The following PAG1 variants were observed in gnomAD, a reference collection of about 807,000 sequenced individuals.
PAG1 encodes phosphoprotein membrane anchor with glycosphingolipid microdomains 1.
A neutral mutation model predicts 31.7 loss-of-function variants in PAG1; 23 were observed. That is an observed-to-expected ratio of 0.73 (90% confidence interval 0.52 to 1.03). The LOEUF (loss-of-function observed/expected upper bound fraction) is 1.03. Ranked by LOEUF, PAG1 falls within the 50% of genes least tolerant of loss-of-function variation. The pLI is 0.00. For missense variants in PAG1, 473 were observed against 540.7 expected (o/e 0.87, Z 1.24); for synonymous variants, 214 against 210.3 (o/e 1.02, Z -0.15).
At chr8:81,089,119 A>G (rs1809405493) in intron 1 of PAG1, among the ~76,000 whole-genome samples, 1 of 152,028 alleles carries the variant, frequency 6.6e-6, no homozygotes, top group Non-Finnish European at 1.5e-5. Flanking sequence ...AAGATACAAA[A>G]CTCCTCGGTC....
intron 1 of PAG1, among the ~76,000 whole-genome samples, chr8:81,104,932 C>T (rs1449109355): frequency 6.6e-6 from 1 of 152,130 alleles, no homozygotes; most frequent in Non-Finnish European, 1.5e-5. Flanking sequence ...CCAGCCTCCG[C>T]TCTCCATCTC....
In PAG1 at chr8:80,984,811, C is replaced by T. The variant is rs138902717; in HGVS notation, c.841G>A (p.Glu281Lys). Residue 281 changes from glutamate (E) to lysine (K), a missense_variant, in exon 7 of 9, where the codon GAG becomes AAG. By Grantham distance (56) the Glu-to-Lys change is moderately conservative. Transcript: ENST00000220597. ...TCACTGGTCGTGTCTGTGGCACTCT[C>T]TTCCGCCTCTCCCCCTTCCTTCTCC... ...LQEKEGGEAE[E>K]SATDTTSETN... 104 of 1,614,032 alleles carry T rather than the reference C, an allele frequency of 6.4e-5. No individual in the cohort carries two copies. Among genetic ancestry groups the T allele is most frequent in the Admixed American group, 2.5e-4 (15 of 60,002 alleles).
At chr8:81,088,151 C>T (rs1586212578) in intron 1 of PAG1, among the ~76,000 whole-genome samples, 1 of 152,072 alleles carries the variant, frequency 6.6e-6, no homozygotes, top group Admixed American at 6.5e-5. Context: ...CAACTCCTTC[C>T]TAAAAGGATT....
At chr8:81,082,397 C>T (rs1203175662) in intron 1 of PAG1, among the ~76,000 whole-genome samples, 8 of 151,944 alleles carry the variant, frequency 5.3e-5, no homozygotes, top group Non-Finnish European at 1.0e-4. Context: ...ACATCATTGG[C>T]GGGGGAGCCA....
intron 2 of PAG1, among the ~76,000 whole-genome samples, chr8:81,064,939 C>T (rs11989546): frequency 0.065 from 9,827 of 152,246 alleles, 1,152 homozygotes; most frequent in African/African-American, 0.22. Context: ...TTCCTAGAAG[C>T]CTCCTCTGAA....
At chr8:81,056,789 C>G (rs947461738) in intron 2 of PAG1, among the ~76,000 whole-genome samples, 5 of 152,100 alleles carry the variant, frequency 3.3e-5, no homozygotes, top group Admixed American at 6.6e-5. Context: ...AGGCAACCTA[C>G]AGAATGGGAA....
chr8:81,032,568 C>T (rs1014832902), intron 2 of PAG1, among the ~76,000 whole-genome samples: 1 of 152,126 alleles, frequency 6.6e-6, no homozygotes, highest in Non-Finnish European at 1.5e-5. Context: ...CACGTCTAAG[C>T]TAATAACAAG....
intron 1 of PAG1, among the ~76,000 whole-genome samples, chr8:81,071,540 A>G (rs1394847764): frequency 2.6e-5 from 4 of 152,226 alleles, no homozygotes; most frequent in Non-Finnish European, 4.4e-5. Flanking sequence ...TTCAAGCTCT[A>G]AACAATTGCA....
chr8:80,983,970 T>C (rs1475603734), intron 7 of PAG1, among the ~76,000 whole-genome samples: 1 of 152,234 alleles, frequency 6.6e-6, no homozygotes, highest in Non-Finnish European at 1.5e-5. Context: ...CCTCTGGCCA[T>C]GAACTACGGA....
rs150639898 is a variant in PAG1 at position 81,064,961 on chromosome 8, T to C, written c.-175+5151A>G. ...AAGCCTCCTCTGAAGAGGCTCCCAA[T>C]GTAGCTATCAGTGGAGAGGAAACAG... On this transcript the variant is annotated intron_variant, in intron 2 of 8. Transcript: ENST00000220597. 3.9e-3 allele frequency among the ~76,000 whole-genome samples: 596 copies of C among 152,306 alleles called. 3 individuals carry two copies. Among genetic ancestry groups the C allele is most frequent in the African/African-American group, 0.013 (561 of 41,558 alleles).
intron 7 of PAG1, 53 bp from the exon 8 acceptor site, chr8:80,980,547 C>T: frequency 1.8e-6 from 2 of 1,128,072 alleles, no homozygotes; most frequent in South Asian, 2.5e-5. Context: ...ACAATCTAAC[C>T]TTTCTTTTGC....
intron 3 of PAG1, among the ~76,000 whole-genome samples, chr8:80,996,347 T>C (rs1051468135): frequency 6.6e-5 from 10 of 152,174 alleles, no homozygotes; most frequent in Non-Finnish European, 1.5e-4. Flanking sequence ...TAATCTTTGA[T>C]CCTTACAGCA....
At chr8:81,052,109 G>A (rs1198774250) in intron 2 of PAG1, among the ~76,000 whole-genome samples, 2 of 143,636 alleles carry the variant, frequency 1.4e-5, no homozygotes, top group Non-Finnish European at 3.0e-5. Context: ...CAGCCCGGGC[G>A]ACAGAGCGAG....
chr8:81,090,259 G>T (rs1809424053), intron 1 of PAG1, among the ~76,000 whole-genome samples: 1 of 152,140 alleles, frequency 6.6e-6, no homozygotes, highest in Admixed American at 6.5e-5. Flanking sequence ...CCCTGGGGTG[G>T]ACTATAAAAC....
In PAG1 at chr8:80,993,301, C is replaced by A; in HGVS notation, c.-74G>T. 1 of 1,460,406 alleles carries A rather than the reference C, an allele frequency of 6.8e-7. No homozygotes were observed. The highest frequency in any genetic ancestry group is 9.3e-7 in the Non-Finnish European group (1 of 1,080,456). 90.5% of individuals were successfully genotyped at this position (1,460,406 alleles called of 1,614,324 possible). ...AAGGTGGTGACATGGAGGCAGAGAG[C>A]TGTGTCCTGCAAAGAGACCAGTGCG... is the stretch of plus-strand genomic sequence containing the variant. On this transcript the variant is annotated 5_prime_UTR_variant, in exon 4 of 9. Coordinates refer to ENST00000220597, the MANE Select transcript of PAG1 (RefSeq NM_018440.4).
At chr8:81,018,759 T>C (rs1434548212) in intron 3 of PAG1, among the ~76,000 whole-genome samples, 2 of 152,216 alleles carry the variant, frequency 1.3e-5, no homozygotes, top group African/African-American at 2.4e-5. Flanking sequence ...CCCTTATAAA[T>C]TACCCAGTCT....
At position 80,976,341 on chromosome 8, in the gene PAG1, G is replaced by A. The variant is rs1000749812; in HGVS notation, c.*203C>T. 2.9e-5 allele frequency: 16 copies of A among 549,198 alleles called. No individual in the cohort carries two copies. Among genetic ancestry groups the A allele is most frequent in the African/African-American group, 1.5e-4 (8 of 52,628 alleles). The allele number at this position is 549,198 out of a possible 1,614,324, so 34.0% of individuals were successfully genotyped here. A position where few individuals can be genotyped will look rare whatever the true frequency, so the allele number is the denominator to read the frequency against. On this transcript the variant is annotated 3_prime_UTR_variant, in exon 9 of 9. Transcript: ENST00000220597. ...GGTGTACCTGTCCATCTGGCAGGCA[G>A]GGGCACACTCAGGTGCAGCCTAGTC...
At chr8:81,106,118 T>C (rs1276461816) in intron 1 of PAG1, among the ~76,000 whole-genome samples, 2 of 152,188 alleles carry the variant, frequency 1.3e-5, no homozygotes, top group East Asian at 3.8e-4. Context: ...TCTTCCTGGC[T>C]CACTTCAACC....
At chr8:80,992,265 AGGCTAGCTGG>A (rs1807566775) in intron 4 of PAG1, among the ~76,000 whole-genome samples, 1 of 152,160 alleles carries the variant, frequency 6.6e-6, no homozygotes, top group Admixed American at 6.5e-5. Flanking sequence ...AGGGATTAGG[AGGCTAGCTGG>A]GTTCAGAGGG....
Sources: gnomAD v4.1 joint callset for allele counts (sites outside exome capture counted in the v4.1 genomes callset) on GRCh38, gnomAD v4.1.1 for gene constraint, MANE v1.5 for transcripts, NCBI Gene and HGNC (gene_info 2026-07-23, HGNC 2026-07-21) for gene names.